The following COX7B2 variants were observed in gnomAD, a reference collection of about 807,000 sequenced individuals.
COX7B2 encodes cytochrome c oxidase subunit 7B2, mitochondrial.
For synonymous variants in COX7B2, 37 were observed against 32.1 expected, an observed-to-expected ratio of 1.15 and a Z score of -0.51; for missense variants, 109 against 95.9, an observed-to-expected ratio of 1.14 and a Z score of -0.57.
intron 2 of COX7B2, among the ~76,000 whole-genome samples, chr4:46,782,144 A>G (rs190429493): frequency 1.3e-5 from 2 of 152,202 alleles, no homozygotes; most frequent in African/African-American, 4.8e-5. Context: ...GGACTTAGAG[A>G]ACTTTTATGT....
intron 2 of COX7B2, among the ~76,000 whole-genome samples, chr4:46,802,155 A>G (rs758327566): frequency 1.2e-4 from 18 of 152,146 alleles, no homozygotes; most frequent in Non-Finnish European, 2.4e-4. Flanking sequence ...AATAATTCAA[A>G]AAGTAGTGTC....
intron 2 of COX7B2, among the ~76,000 whole-genome samples, chr4:46,778,248 C>T (rs1717263761): frequency 6.6e-6 from 1 of 152,070 alleles, no homozygotes; most frequent in South Asian, 2.1e-4. Context: ...TAAAACTTTT[C>T]CTATCACTAT....
At chr4:46,745,551 T>C (rs1262907036) in intron 2 of COX7B2, among the ~76,000 whole-genome samples, 3 of 152,226 alleles carry the variant, frequency 2.0e-5, no homozygotes, top group Non-Finnish European at 4.4e-5. Context: ...TATCCTTTTT[T>C]CCCCCTTGGA....
chr4:46,834,143 T>G (rs1304480426), intron 2 of COX7B2, among the ~76,000 whole-genome samples: 1 of 152,168 alleles, frequency 6.6e-6, no homozygotes, highest in Admixed American at 6.5e-5. Context: ...ATACATATTC[T>G]TGGATAGAAA....
At chr4:46,900,950 A>G (rs17459996) in intron 1 of COX7B2, among the ~76,000 whole-genome samples, 4 of 152,186 alleles carry the variant, frequency 2.6e-5, no homozygotes, top group African/African-American at 2.4e-5. Flanking sequence ...AAAACTCAAC[A>G]TAATGTGAAC....
rs905327225 is a variant in COX7B2 at position 46,847,620 on chromosome 4, G to T, written c.-104-2606C>A. Among the ~76,000 whole-genome samples the T allele has an allele frequency of 6.6e-5, 10 of 152,054 alleles. 1 individual carries two copies. The highest frequency in any genetic ancestry group is 5.9e-4 in the Admixed American group (9 of 15,260). ...AAAGCACTACAATTTGTAGTAATTT[G>T]TTATGCACCAATGGAAAAGTAATGT... On this transcript the variant is annotated intron_variant, in intron 1 of 2. Transcript: ENST00000355591.
intron 1 of COX7B2, among the ~76,000 whole-genome samples, chr4:46,887,901 T>C (rs573284068): frequency 1.3e-5 from 2 of 152,176 alleles, no homozygotes; most frequent in East Asian, 3.9e-4. Context: ...TGGATTCTGT[T>C]GTCGTCTCCT....
intron 2 of COX7B2, among the ~76,000 whole-genome samples, chr4:46,738,710 AAG>A (rs1714521205): frequency 6.6e-6 from 1 of 152,088 alleles, no homozygotes; most frequent in Non-Finnish European, 1.5e-5. Context: ...AAGCATAAAA[AAG>A]AAATTCAATA....
At chr4:46,854,383 A>G (rs948792564) in intron 1 of COX7B2, among the ~76,000 whole-genome samples, 2 of 152,210 alleles carry the variant, frequency 1.3e-5, no homozygotes, top group African/African-American at 4.8e-5. Flanking sequence ...GACGGTATGA[A>G]TAGGAAAATT....
At chr4:46,829,489 G>A (rs978104230) in intron 2 of COX7B2, among the ~76,000 whole-genome samples, 1 of 152,036 alleles carries the variant, frequency 6.6e-6, no homozygotes, top group Non-Finnish European at 1.5e-5. Context: ...CATTCAATTA[G>A]TAATAGTTTT....
intron 2 of COX7B2, among the ~76,000 whole-genome samples, chr4:46,770,771 A>G (rs995877702): frequency 1.3e-5 from 2 of 152,168 alleles, no homozygotes; most frequent in Non-Finnish European, 2.9e-5. Flanking sequence ...ATTGTTTTCC[A>G]TATCCAAGAA....
chr4:46,741,982 G>A (rs752756725), intron 2 of COX7B2, among the ~76,000 whole-genome samples: 5 of 152,166 alleles, frequency 3.3e-5, no homozygotes, highest in South Asian at 2.1e-4. Flanking sequence ...TTTCCTTGGC[G>A]GAAAAATAAA....
At chr4:46,831,982 T>C (rs779503298) in intron 2 of COX7B2, among the ~76,000 whole-genome samples, 1 of 152,164 alleles carries the variant, frequency 6.6e-6, no homozygotes, top group Admixed American at 6.5e-5. Context: ...AGCTCAGGAA[T>C]GGTAAATGCA....
At chr4:46,907,956 C>T (rs6851726) in intron 1 of COX7B2, among the ~76,000 whole-genome samples, 1,638 of 147,146 alleles carry the variant, frequency 0.011, 27 homozygotes, top group African/African-American at 0.039. Context: ...CGGGTTCAAG[C>T]GATTCTCCCG....
intron 1 of COX7B2, among the ~76,000 whole-genome samples, chr4:46,858,511 A>G (rs576198181): frequency 4.3e-4 from 64 of 149,168 alleles, no homozygotes; most frequent in South Asian, 2.9e-3. Context: ...AAACATTAGG[A>G]AAAAAAAAGA....
At chr4:46,786,795 C>T (rs529369315) in intron 2 of COX7B2, among the ~76,000 whole-genome samples, 2 of 152,066 alleles carry the variant, frequency 1.3e-5, no homozygotes, top group Non-Finnish European at 2.9e-5. Flanking sequence ...GAAAAAGATG[C>T]CTGTAGGTTT....
At chr4:46,890,734 T>C (rs937858320) in intron 1 of COX7B2, among the ~76,000 whole-genome samples, 1 of 152,198 alleles carries the variant, frequency 6.6e-6, no homozygotes, top group African/African-American at 2.4e-5. Context: ...GGAGTGTTCT[T>C]AAAGTATTGA....
At chr4:46,887,642 C>T (rs1013102475) in intron 1 of COX7B2, among the ~76,000 whole-genome samples, 6 of 139,084 alleles carry the variant, frequency 4.3e-5, no homozygotes, top group African/African-American at 1.6e-4. Context: ...ACCCGGAAGG[C>T]GGAGCTTGCA....
chr4:46,754,724 G>GTATATATATATATATATATA (rs776374967), intron 2 of COX7B2, among the ~76,000 whole-genome samples: 85 of 46,790 alleles, frequency 1.8e-3, no homozygotes, highest in African/African-American at 6.0e-3. Flanking sequence ...GTGTGTGTGT[G>GTATATATATATATATATATA]TGTGTATATA....
Sources: gnomAD v4.1 joint callset for allele counts (sites outside exome capture counted in the v4.1 genomes callset) on GRCh38, gnomAD v4.1.1 for gene constraint, MANE v1.5 for transcripts, NCBI Gene and HGNC (gene_info 2026-07-23, HGNC 2026-07-21) for gene names.